MRPL3: variants seen among roughly 807,000 people sequenced by gnomAD.
The protein encoded by MRPL3 is mitochondrial ribosomal protein L3, also known as large ribosomal subunit protein uL3m.
In MRPL3, 43 loss-of-function variants were observed where a neutral mutation model predicts 44.3. The observed-to-expected ratio is 0.97, with a 90% CI of 0.76 to 1.25. The LOEUF (loss-of-function observed/expected upper bound fraction) is 1.25. Among genes scored for constraint, MRPL3 ranks in the 50% most tolerant of loss-of-function variants. The pLI is 0.00. For synonymous variants in MRPL3, 171 were observed against 152.3 expected, an observed-to-expected ratio of 1.12 and a Z score of -0.91; for missense variants, 406 against 427.6, an observed-to-expected ratio of 0.95 and a Z score of 0.45.
intron 4 of MRPL3, among the ~76,000 whole-genome samples, chr3:131,490,571 C>CA (rs1402090154): frequency 1.3e-5 from 2 of 152,204 alleles, no homozygotes; most frequent in Admixed American, 1.3e-4. Context: ...AAATCATTTT[C>CA]ACACTCTATA....
At chr3:131,467,397 T>C (rs1933636318) in intron 9 of MRPL3, among the ~76,000 whole-genome samples, 1 of 152,132 alleles carries the variant, frequency 6.6e-6, no homozygotes, top group Non-Finnish European at 1.5e-5. Context: ...CCTTCTCATA[T>C]TCCTGAAGAT....
At chr3:131,478,436 A>C (rs771545671) in intron 6 of MRPL3, among the ~76,000 whole-genome samples, 15 of 152,162 alleles carry the variant, frequency 9.9e-5, no homozygotes, top group Non-Finnish European at 1.5e-4. Context: ...AAAAACAAGC[A>C]AACAAACTTA....
chr3:131,501,760 C>T, intron 1 of MRPL3, 45 bp from the exon 2 acceptor site: 1 of 1,590,072 alleles, frequency 6.3e-7, no homozygotes, highest in Non-Finnish European at 8.6e-7. Context: ...AATTTAAAAA[C>T]TTCCTCCACT....
chr3:131,470,026 C>T (rs931667607), intron 7 of MRPL3, among the ~76,000 whole-genome samples: 1 of 151,864 alleles, frequency 6.6e-6, no homozygotes, highest in Non-Finnish European at 1.5e-5. Context: ...TCAGCAACAA[C>T]GGACCTAATA....
intron 3 of MRPL3, among the ~76,000 whole-genome samples, chr3:131,500,162 A>G (rs1934462066): frequency 1.3e-5 from 2 of 152,208 alleles, no homozygotes; most frequent in Non-Finnish European, 2.9e-5. Flanking sequence ...TGAAGTAAAC[A>G]AGGGGATCTG....
At chr3:131,469,498 C>CT (rs1933694144) in intron 8 of MRPL3, among the ~76,000 whole-genome samples, 198 bp downstream of exon 8, 1 of 150,456 alleles carries the variant, frequency 6.6e-6, no homozygotes, top group Admixed American at 6.6e-5. Flanking sequence ...GAAATATACC[C>CT]TATCATTACT....
chr3:131,486,378 A>C lies in MRPL3; in HGVS notation c.629+1302T>G, dbSNP rs1298348218. Among the ~76,000 whole-genome samples, 30 of 149,522 alleles carry C rather than the reference A, an allele frequency of 2.0e-4. No homozygotes were observed. The South Asian group carries it at 5.9e-3, about 29-fold the overall frequency. On this transcript the variant is annotated intron_variant, in intron 6 of 9. Transcript: ENST00000264995. ...CTTCTGCACGGCAAAAAAAAAAAAA[A>C]AAAAAAAAAAAAACCAAAAAAAACT... is the stretch of plus-strand genomic sequence containing the variant.
At chr3:131,468,020 T>A in intron 9 of MRPL3, 71 bp downstream of exon 9, 1 of 762,864 alleles carries the variant, frequency 1.3e-6, no homozygotes. Context: ...AAAATAAAGA[T>A]AGTAATTTGT....
chr3:131,463,104 A>G (rs1436801857), intron 9 of MRPL3, among the ~76,000 whole-genome samples: 4 of 152,292 alleles, frequency 2.6e-5, no homozygotes, highest in East Asian at 3.9e-4. Flanking sequence ...AAAATCACCA[A>G]TTGTTACTTT....
chr3:131,469,289 C>T (rs1933689010), intron 8 of MRPL3, among the ~76,000 whole-genome samples: 1 of 150,836 alleles, frequency 6.6e-6, no homozygotes, highest in Admixed American at 6.6e-5. Flanking sequence ...ATATACCCTT[C>T]CACTCTTCTG....
intron 1 of MRPL3, chr3:131,501,921 T>C (rs1204406960): frequency 8.5e-6 from 13 of 1,535,336 alleles, no homozygotes; most frequent in South Asian, 5.9e-5. Context: ...TGTTAGTCGT[T>C]ACCCTGGAGA....
intron 4 of MRPL3, among the ~76,000 whole-genome samples, chr3:131,491,873 G>A (rs1446576000): frequency 6.6e-6 from 1 of 152,084 alleles, no homozygotes; most frequent in Non-Finnish European, 1.5e-5. Flanking sequence ...GCCATATCAT[G>A]TATCTACAGT....
intron 7 of MRPL3, among the ~76,000 whole-genome samples, chr3:131,470,957 TAC>T (rs1450212339): frequency 6.6e-6 from 1 of 152,164 alleles, no homozygotes; most frequent in Non-Finnish European, 1.5e-5. Context: ...ACAGCCAAAC[TAC>T]AGATGCTCAG....
At chr3:131,487,651 G>C (rs370855048) in intron 6 of MRPL3, 29 bp downstream of exon 6, 1 of 1,567,186 alleles carries the variant, frequency 6.4e-7, no homozygotes, top group Non-Finnish European at 8.7e-7. Context: ...GAAAACAAAA[G>C]GAAAAGAGAA....
At chr3:131,494,038 G>T (rs1055769474) in intron 4 of MRPL3, among the ~76,000 whole-genome samples, 14 of 152,336 alleles carry the variant, frequency 9.2e-5, no homozygotes, top group African/African-American at 3.4e-4. Flanking sequence ...TAGTTGACAT[G>T]AAATTGGGTG....
intron 6 of MRPL3, among the ~76,000 whole-genome samples, chr3:131,477,823 T>C (rs1933889411): frequency 6.6e-6 from 1 of 152,180 alleles, no homozygotes; most frequent in Non-Finnish European, 1.5e-5. Context: ...ATAGGATCTT[T>C]TAAAATAGAA....
At chr3:131,468,667 G>A (rs79861373) in intron 8 of MRPL3, among the ~76,000 whole-genome samples, 1,612 of 151,992 alleles carry the variant, frequency 0.011, 24 homozygotes, top group African/African-American at 0.037. Context: ...TAAAATATTT[G>A]GATAAGGAAT....
chr3:131,471,423 C>CTGCTA, intron 6 of MRPL3, 144 bp from the exon 7 acceptor site: 1 of 614,648 alleles, frequency 1.6e-6, no homozygotes, highest in South Asian at 2.1e-5. Context: ...GGCTATACAA[C>CTGCTA]TAAAACTGCA....
intron 6 of MRPL3, among the ~76,000 whole-genome samples, chr3:131,484,287 T>C (rs1475468243): frequency 2.0e-5 from 3 of 152,128 alleles, no homozygotes; most frequent in South Asian, 2.1e-4. Context: ...ACCTGGAAAC[T>C]TGGTAGAAAT....
Sources: gnomAD v4.1 joint callset for allele counts (sites outside exome capture counted in the v4.1 genomes callset) on GRCh38, gnomAD v4.1.1 for gene constraint, MANE v1.5 for transcripts, NCBI Gene and HGNC (gene_info 2026-07-23, HGNC 2026-07-21) for gene names.